The following ZBTB16 variants were observed in gnomAD, a reference collection of about 807,000 sequenced individuals.
ZBTB16 encodes the protein zinc finger and BTB domain containing 16, also known as zinc finger and BTB domain-containing protein 16.
A neutral mutation model predicts 56.8 loss-of-function variants in ZBTB16; 8 were observed. The ratio of observed to expected loss-of-function variants is 0.14; its 90% CI spans 0.08 to 0.25. The LOEUF (loss-of-function observed/expected upper bound fraction) is 0.25, where lower values mean the gene tolerates loss of function less well. Ranked by LOEUF, ZBTB16 falls within the 10% of genes least tolerant of loss-of-function variation. The probability of loss-of-function intolerance (pLI) is 1.00; values close to 1 mark genes in which losing one functional copy is unlikely to be tolerated. For synonymous variants in ZBTB16, 363 were observed against 368.5 expected (o/e 0.98, Z 0.17); for missense variants, 625 against 903.0 (o/e 0.69, Z 3.95).
At chr11:114,119,059 G>T (rs949846154) in intron 2 of ZBTB16, among the ~76,000 whole-genome samples, 3 of 152,014 alleles carry the variant, frequency 2.0e-5, no homozygotes, top group Non-Finnish European at 2.9e-5. Flanking sequence ...GAGGTCAGGA[G>T]TTTGAGACCA....
chr11:114,154,705 G>T (rs992246787), intron 2 of ZBTB16, among the ~76,000 whole-genome samples: 2 of 152,272 alleles, frequency 1.3e-5, no homozygotes, highest in South Asian at 4.1e-4. Context: ...ATGGGGGGGT[G>T]GTACCCCTAC....
In ZBTB16 at chr11:114,237,054, G is replaced by A. The variant is rs116001396; in HGVS notation, c.1454-5113G>A. On this transcript the variant is annotated intron_variant, in intron 4 of 6. Coordinates refer to ENST00000335953, the MANE Select transcript of ZBTB16 (RefSeq NM_006006.6). ...ATTGTGCAGGGCTGCCATGACTCAT[G>A]ATCCAGGTCGTTCACTGCACAAGGG... 6.0e-3 allele frequency among the ~76,000 whole-genome samples: 919 copies of A among 152,334 alleles called. 11 individuals carry two copies. The highest frequency in any genetic ancestry group is 0.021 in the African/African-American group (883 of 41,568).
chr11:114,212,101 G>T (rs1009688325), intron 4 of ZBTB16, among the ~76,000 whole-genome samples: 1 of 151,902 alleles, frequency 6.6e-6, no homozygotes, highest in African/African-American at 2.4e-5. Context: ...TGGACCGGGC[G>T]AGCTGTGCAC....
chr11:114,088,290 C>T (rs894283533), intron 2 of ZBTB16, among the ~76,000 whole-genome samples: 17 of 151,920 alleles, frequency 1.1e-4, no homozygotes, highest in African/African-American at 3.9e-4. Context: ...TACAGACATG[C>T]GCTACCATGC....
At chr11:114,066,495 T>C (rs548059340) in intron 2 of ZBTB16, among the ~76,000 whole-genome samples, 53 of 152,312 alleles carry the variant, frequency 3.5e-4, no homozygotes, top group African/African-American at 1.3e-3. Context: ...GGCTGTGTGC[T>C]ATGAGAACTG....
In ZBTB16 at chr11:114,172,485, A is replaced by G. The variant is rs562153822; in HGVS notation, c.1367-14467A>G. On this transcript the variant is annotated intron_variant, in intron 3 of 6. Coordinates refer to ENST00000335953, the MANE Select transcript of ZBTB16 (RefSeq NM_006006.6). ...TGAGGAGACTGAGTTTACTTGCCCAAGATCACCTAGCAAGTAAGAGACAGA... is the reference window on the plus strand; with the variant it reads ...TGAGGAGACTGAGTTTACTTGCCCAGGATCACCTAGCAAGTAAGAGACAGA... Among the ~76,000 whole-genome samples, 12 of 152,308 alleles carry G rather than the reference A, an allele frequency of 7.9e-5. No homozygotes were observed. In the South Asian group the frequency reaches 2.5e-3, roughly 32 times the overall value.
rs1196464274 is a variant in ZBTB16, at chr11:114,251,969, G to GTGTAAA, written c.*1416_*1421dup. Among the ~76,000 whole-genome samples, 1 of 152,108 alleles carries GTGTAAA rather than the reference G, an allele frequency of 6.6e-6. No homozygotes were observed. The highest frequency in any genetic ancestry group is 2.4e-5 in the African/African-American group (1 of 41,412). On this transcript the variant is annotated 3_prime_UTR_variant, in exon 7 of 7. Transcript: ENST00000335953. ...GGGAGGGTGTTCTTTTCTGTTTCTT[G>GTGTAAA]TGTAAATTAATAGTTGTTTTTATAG...
At chr11:114,061,179 G>T (rs1463521020) in intron 1 of ZBTB16, among the ~76,000 whole-genome samples, 3 of 152,054 alleles carry the variant, frequency 2.0e-5, no homozygotes, top group Non-Finnish European at 4.4e-5. Flanking sequence ...TCGATCCCCG[G>T]AGCTCGGGCG....
chr11:114,158,551 G>A (rs941531021), intron 3 of ZBTB16, among the ~76,000 whole-genome samples: 1 of 152,162 alleles, frequency 6.6e-6, no homozygotes, highest in African/African-American at 2.4e-5. Flanking sequence ...ATCTTTGGGT[G>A]CAGTTTTTCT....
At chr11:114,121,147 C>A (rs745872981) in intron 2 of ZBTB16, among the ~76,000 whole-genome samples, 6 of 152,204 alleles carry the variant, frequency 3.9e-5, no homozygotes, top group African/African-American at 9.7e-5. Context: ...TGAGAATATT[C>A]TTCTGTTGAT....
intron 2 of ZBTB16, among the ~76,000 whole-genome samples, chr11:114,075,088 G>C (rs1237270216): frequency 6.6e-6 from 1 of 152,152 alleles, no homozygotes; most frequent in Non-Finnish European, 1.5e-5. Flanking sequence ...GGAGTGGGTG[G>C]ATTTCATGGG....
intron 4 of ZBTB16, chr11:114,209,863 T>A: frequency 1.0e-6 from 1 of 985,452 alleles, no homozygotes; most frequent in Non-Finnish European, 1.2e-6. Context: ...CTCATGTTTG[T>A]TGAGGGGACC....
intron 2 of ZBTB16, among the ~76,000 whole-genome samples, chr11:114,091,078 T>C (rs1005463779): frequency 6.6e-6 from 1 of 152,148 alleles, no homozygotes; most frequent in African/African-American, 2.4e-5. Flanking sequence ...GTAAAGACCC[T>C]TTCAGCTGGG....
At chr11:114,111,931 A>AT (rs899293871) in intron 2 of ZBTB16, among the ~76,000 whole-genome samples, 48 of 149,264 alleles carry the variant, frequency 3.2e-4, no homozygotes, top group East Asian at 2.5e-3. Flanking sequence ...TGTTTTAAAC[A>AT]TTTTTTTTTT....
At chr11:114,156,045 G>A (rs1942399937) in intron 2 of ZBTB16, among the ~76,000 whole-genome samples, 1 of 152,202 alleles carries the variant, frequency 6.6e-6, no homozygotes. Flanking sequence ...TGTCCTGGGT[G>A]TTGCATCCTT....
chr11:114,151,986 A>T (rs572984592), intron 2 of ZBTB16, among the ~76,000 whole-genome samples: 38 of 152,296 alleles, frequency 2.5e-4, no homozygotes, highest in Admixed American at 2.5e-3. Flanking sequence ...TACCCTGAAG[A>T]TGACAGGTTG....
intron 2 of ZBTB16, among the ~76,000 whole-genome samples, chr11:114,121,311 G>C (rs1320844882): frequency 6.6e-6 from 1 of 152,184 alleles, no homozygotes; most frequent in Non-Finnish European, 1.5e-5. Flanking sequence ...GTGCAAGCCA[G>C]CTCCAGGGCA....
intron 2 of ZBTB16, among the ~76,000 whole-genome samples, chr11:114,066,383 A>C (rs1291299045): frequency 6.6e-6 from 1 of 152,168 alleles, no homozygotes; most frequent in Non-Finnish European, 1.5e-5. Flanking sequence ...TCAGAAATAG[A>C]CTGAGGTTGT....
At chr11:114,072,629 A>T (rs1394225879) in intron 2 of ZBTB16, among the ~76,000 whole-genome samples, 1 of 152,162 alleles carries the variant, frequency 6.6e-6, no homozygotes, top group Non-Finnish European at 1.5e-5. Context: ...TACATGTCAG[A>T]TTCTGTGCTA....
Sources: gnomAD v4.1 joint callset for allele counts (sites outside exome capture counted in the v4.1 genomes callset) on GRCh38, gnomAD v4.1.1 for gene constraint, MANE v1.5 for transcripts, NCBI Gene and HGNC (gene_info 2026-07-23, HGNC 2026-07-21) for gene names.